The following SNTG1 variants were observed in gnomAD, a reference collection of about 807,000 sequenced individuals.
The protein encoded by SNTG1 is gamma-1-syntrophin.
A neutral mutation model predicts 74.7 loss-of-function variants in SNTG1; 39 were observed. That is an observed-to-expected ratio of 0.52 (90% CI 0.40 to 0.68). The LOEUF (loss-of-function observed/expected upper bound fraction) is 0.68, where lower values mean the gene tolerates loss of function less well. Ranked by LOEUF, SNTG1 falls within the 30% of genes least tolerant of loss-of-function variation. The pLI is 0.00. For synonymous variants in SNTG1, 254 were observed against 217.1 expected (o/e 1.17, Z -1.49); for missense variants, 685 against 609.5 (o/e 1.12, Z -1.30).
At chr8:50,442,375 C>T (rs1437986928) in intron 5 of SNTG1, among the ~76,000 whole-genome samples, 1 of 152,096 alleles carries the variant, frequency 6.6e-6, no homozygotes, top group Non-Finnish European at 1.5e-5. Flanking sequence ...TGAAGCAAAT[C>T]CCTACTTTAG....
intron 1 of SNTG1, among the ~76,000 whole-genome samples, chr8:50,008,527 T>C (rs952270517): frequency 6.6e-6 from 1 of 152,138 alleles, no homozygotes; most frequent in African/African-American, 2.4e-5. Flanking sequence ...TGTGGGCACA[T>C]GGATGGATAG....
chr8:50,506,630 G>A (rs1208774622), intron 9 of SNTG1, among the ~76,000 whole-genome samples: 1 of 151,702 alleles, frequency 6.6e-6, no homozygotes, highest in Non-Finnish European at 1.5e-5. Context: ...ATTGTTAATG[G>A]ATAGAAACAA....
chr8:50,354,258 G>A (rs760633727), intron 2 of SNTG1, among the ~76,000 whole-genome samples: 1 of 152,186 alleles, frequency 6.6e-6, no homozygotes, highest in Admixed American at 6.5e-5. Flanking sequence ...GGAGCAAATA[G>A]TCACAGATCT....
At chr8:50,510,358 A>T (rs560098938) in intron 9 of SNTG1, among the ~76,000 whole-genome samples, 1 of 152,150 alleles carries the variant, frequency 6.6e-6, no homozygotes, top group Admixed American at 6.5e-5. Context: ...TTCATGAGGG[A>T]TATTGGTCTT....
At chr8:50,416,212 A>G (rs1053172748) in intron 4 of SNTG1, among the ~76,000 whole-genome samples, 3 of 152,168 alleles carry the variant, frequency 2.0e-5, no homozygotes, top group Admixed American at 6.6e-5. Flanking sequence ...ACTCAGTGAT[A>G]ATCTGTGGTT....
chr8:50,559,332 A>G (rs1328536749), intron 12 of SNTG1, among the ~76,000 whole-genome samples: 1 of 152,328 alleles, frequency 6.6e-6, no homozygotes, highest in East Asian at 1.9e-4. Context: ...TTATGTCAAA[A>G]TGGATTGTTT....
rs551595618 is a variant in SNTG1, at chr8:50,788,011, G to C, written c.1396-4660G>C. 2.6e-5 allele frequency among the ~76,000 whole-genome samples: 4 copies of C among 152,082 alleles called. No homozygotes were observed. The East Asian group carries it at 7.7e-4, about 29-fold the overall frequency. ...AGTATGTGAACTATATCTCCCTAAGGCTGCTGCAGAAAAAAGGTGAATGAC... is the reference window on the plus strand; with the variant it reads ...AGTATGTGAACTATATCTCCCTAAGCCTGCTGCAGAAAAAAGGTGAATGAC... On this transcript the variant is annotated intron_variant, in intron 18 of 18. Transcript: ENST00000642720.
At chr8:50,551,237 T>C (rs1258069523) in intron 11 of SNTG1, among the ~76,000 whole-genome samples, 1 of 152,122 alleles carries the variant, frequency 6.6e-6, no homozygotes, top group Non-Finnish European at 1.5e-5. Flanking sequence ...TGTTCAAGTA[T>C]TTCACTTATG....
Position 50,387,874 on chromosome 8 carries a change from A to C in SNTG1, c.-27-6338A>C, listed in dbSNP as rs1420876677. ...GCATTGTTTTTAGGACAACCACCTC[A>C]GTGAAGGCTATCACTCTACCACCAA... is the stretch of plus-strand genomic sequence containing the variant. On this transcript the variant is annotated intron_variant, in intron 2 of 18. Transcript: ENST00000642720. 3.3e-5 allele frequency among the ~76,000 whole-genome samples: 5 copies of C among 152,132 alleles called. No individual in the cohort carries two copies. In the East Asian group the frequency reaches 9.6e-4, roughly 29 times the overall value.
At chr8:49,914,583 T>C (rs1455236330) in intron 1 of SNTG1, among the ~76,000 whole-genome samples, 1 of 152,198 alleles carries the variant, frequency 6.6e-6, no homozygotes, top group Non-Finnish European at 1.5e-5. Flanking sequence ...ATAGACTATA[T>C]AAATATTACT....
intron 11 of SNTG1, among the ~76,000 whole-genome samples, chr8:50,546,758 A>G (rs371521426): frequency 1.2e-4 from 19 of 152,168 alleles, no homozygotes; most frequent in African/African-American, 4.6e-4. Context: ...TATATGTGCT[A>G]CATTTTCTTA....
chr8:50,299,539 T>C (rs1321277556), intron 2 of SNTG1, among the ~76,000 whole-genome samples: 2 of 152,118 alleles, frequency 1.3e-5, no homozygotes, highest in African/African-American at 4.8e-5. Context: ...AATTGAAATA[T>C]TTGAGTCACA....
At chr8:50,726,019 AAT>A (rs981562767) in intron 17 of SNTG1, among the ~76,000 whole-genome samples, 39 of 152,268 alleles carry the variant, frequency 2.6e-4, no homozygotes, top group African/African-American at 9.1e-4. Context: ...ATAACACAAT[AAT>A]ACACATCTTC....
intron 2 of SNTG1, among the ~76,000 whole-genome samples, chr8:50,358,573 C>T (rs1034022696): frequency 6.6e-6 from 1 of 152,178 alleles, no homozygotes; most frequent in African/African-American, 2.4e-5. Context: ...ACAATTTTGA[C>T]TCAATAACAC....
At chr8:50,353,969 C>G (rs1217449293) in intron 2 of SNTG1, among the ~76,000 whole-genome samples, 1 of 152,178 alleles carries the variant, frequency 6.6e-6, no homozygotes, top group Non-Finnish European at 1.5e-5. Context: ...TAGTTTGTAC[C>G]TGGCTCTCAG....
At chr8:49,961,060 T>C (rs1035264071) in intron 1 of SNTG1, among the ~76,000 whole-genome samples, 6 of 152,204 alleles carry the variant, frequency 3.9e-5, no homozygotes, top group African/African-American at 1.2e-4. Flanking sequence ...AGATGCTGGC[T>C]TGGGCAAGAA....
chr8:50,451,901 G>A (rs950117993), intron 8 of SNTG1, among the ~76,000 whole-genome samples: 1 of 152,096 alleles, frequency 6.6e-6, no homozygotes. Flanking sequence ...AAAGAGTAGA[G>A]GATAAATCGT....
chr8:50,405,131 G>A (rs1259599280), intron 4 of SNTG1, among the ~76,000 whole-genome samples: 1 of 152,020 alleles, frequency 6.6e-6, no homozygotes, highest in Non-Finnish European at 1.5e-5. Flanking sequence ...AAATATGTTT[G>A]AGTCACCACT....
chr8:50,209,109 G>A (rs1450990073), intron 2 of SNTG1, among the ~76,000 whole-genome samples: 2 of 152,282 alleles, frequency 1.3e-5, no homozygotes, highest in Admixed American at 1.3e-4. Context: ...CACACCCATG[G>A]AGCCTCACTC....
Sources: gnomAD v4.1 joint callset for allele counts (sites outside exome capture counted in the v4.1 genomes callset) on GRCh38, gnomAD v4.1.1 for gene constraint, MANE v1.5 for transcripts, NCBI Gene and HGNC (gene_info 2026-07-23, HGNC 2026-07-21) for gene names.